MYO18A: variants seen among roughly 807,000 people sequenced by gnomAD.
MYO18A encodes unconventional myosin-XVIIIa.
In MYO18A, 78 loss-of-function variants were observed where a neutral mutation model predicts 235.8. The observed-to-expected ratio is 0.33, with a 90% confidence interval of 0.28 to 0.40. The LOEUF (loss-of-function observed/expected upper bound fraction) is 0.40. MYO18A is among the 10% of genes least tolerant of loss of function. The probability of loss-of-function intolerance (pLI) is 1.00; values close to 1 mark genes in which losing one functional copy is unlikely to be tolerated. For missense variants in MYO18A, 2,215 were observed against 2,699.3 expected (o/e 0.82, Z 3.98); for synonymous variants, 977 against 1,077.8 (o/e 0.91, Z 1.83).
Position 29,098,149 on chromosome 17 carries a change from T to A in MYO18A, c.3946A>T (p.Thr1316Ser), listed in dbSNP as rs1485801961. 6.2e-7 allele frequency: 1 copy of A among 1,613,886 alleles called. No individual in the cohort carries two copies. The change falls in exon 25 of 42, where the codon ACA becomes TCA. Residue 1316 changes from threonine (T) to serine (S), a missense_variant. Thr to Ser is a moderately conservative substitution (Grantham distance 58). Coordinates refer to ENST00000527372, the MANE Select transcript of MYO18A (RefSeq NM_078471.4). ...ESASQLLDAE[T>S]AERLRAEKEM... is the part of the protein sequence containing the mutation. ...TTCTCAGCCCGGAGCCTCTCTGCTG[T>A]CTCCGCGTCCAGCAGCTGGGAGGCG...
In MYO18A at chr17:29,117,723, GAAC is replaced by G. The variant is rs1211903045; in HGVS notation, c.2038+319_2038+321del. The stretch of plus-strand genomic sequence containing the variant: ...TCCTCGGGGGCCTCTGTCAGGAAGG[GAAC>G]AAGAAGGAGAGTTATTCCAGCGGGG... On this transcript the variant is annotated intron_variant, in intron 10 of 41. Transcript: ENST00000527372. The surrounding 1 kb of genome is among the most constrained non-coding windows in gnomAD (Gnocchi z 4.6). Among the ~76,000 whole-genome samples the G allele has an allele frequency of 1.3e-5, 2 of 152,148 alleles. No individual in the cohort carries two copies. Among genetic ancestry groups the G allele is most frequent in the Non-Finnish European group, 2.9e-5 (2 of 68,012 alleles).
chr17:29,100,012 G>C (rs565617824), intron 21 of MYO18A, among the ~76,000 whole-genome samples: 88 of 152,266 alleles, frequency 5.8e-4, no homozygotes, highest in African/African-American at 1.9e-3. Context: ...TTCAAAGAGA[G>C]ATGAAAGGAG....
chr17:29,160,935 G>GAGC (rs1241121701), intron 2 of MYO18A, among the ~76,000 whole-genome samples: 1 of 152,206 alleles, frequency 6.6e-6, no homozygotes, highest in Non-Finnish European at 1.5e-5. Flanking sequence ...AGCTCAGGGA[G>GAGC]AGCCAGGTGT....
chr17:29,128,024 T>C, intron 2 of MYO18A: 2 of 1,013,394 alleles, frequency 2.0e-6, no homozygotes, highest in Non-Finnish European at 1.2e-6. Flanking sequence ...GTCTGCCCAG[T>C]CTGGGGAGCC....
intron 40 of MYO18A, among the ~76,000 whole-genome samples, chr17:29,083,742 G>C (rs78531316): frequency 6.6e-6 from 1 of 152,098 alleles, no homozygotes; most frequent in African/African-American, 2.4e-5. Flanking sequence ...CCCTGTGCCC[G>C]TCCGAGCCTG....
chr17:29,094,423 C>T (rs1423693818), intron 30 of MYO18A: 4 of 613,850 alleles, frequency 6.5e-6, no homozygotes, highest in African/African-American at 5.5e-5. Flanking sequence ...CTGAGCCCCT[C>T]CCTACTAGAG....
chr17:29,141,688 A>G (rs2067742830), intron 2 of MYO18A, among the ~76,000 whole-genome samples: 1 of 152,222 alleles, frequency 6.6e-6, no homozygotes, highest in African/African-American at 2.4e-5. Flanking sequence ...ACAGACTCTT[A>G]GGACACGGCG....
rs765397962 is a variant in MYO18A at position 29,118,469 on chromosome 17, G to C, written c.1830-29C>G. 1 of 1,578,912 alleles carries C rather than the reference G, an allele frequency of 6.3e-7. No individual in the cohort carries two copies. Among genetic ancestry groups the C allele is most frequent in the Non-Finnish European group, 8.7e-7 (1 of 1,153,158 alleles). The stretch of plus-strand genomic sequence containing the variant: ...GGGGTACAAATAAGGCATCAGCACG[G>C]CACTTGGTCCCCATGCCAAGGCCAT... On this transcript the variant is annotated intron_variant, in intron 8 of 41. Coordinates refer to ENST00000527372, the MANE Select transcript of MYO18A (RefSeq NM_078471.4). The surrounding 1 kb of genome is among the most constrained non-coding windows in gnomAD (Gnocchi z 4.2).
At position 29,093,952 on chromosome 17, in the gene MYO18A, T is replaced by C. The variant is rs1187916642; in HGVS notation, c.4821+28A>G. The C allele has an allele frequency of 5.9e-6, 9 of 1,527,042 alleles. No individual in the cohort carries two copies. The South Asian group carries it at 9.4e-5, about 16-fold the overall frequency. 94.6% of individuals were successfully genotyped at this position (1,527,042 alleles called of 1,614,324 possible). On this transcript the variant is annotated intron_variant, in intron 31 of 41. Transcript: ENST00000527372. ...CGGTGATGGGAACAGGTGTTTACGCTGGACAGGTAAGTACTCAGATACCTT... is the reference window on the plus strand; with the variant it reads ...CGGTGATGGGAACAGGTGTTTACGCCGGACAGGTAAGTACTCAGATACCTT...
intron 1 of MYO18A, among the ~76,000 whole-genome samples, chr17:29,174,727 G>C (rs898875015): frequency 6.6e-6 from 1 of 151,982 alleles, no homozygotes; most frequent in Non-Finnish European, 1.5e-5. Context: ...CAGGAGAATC[G>C]CTTGAATCCA....
rs80092757 is a variant in MYO18A at position 29,155,002 on chromosome 17, T to C, written c.999+10940A>G. On this transcript the variant is annotated intron_variant, in intron 2 of 41. Transcript: ENST00000527372. ...AGGTTCTACTGGAATCTCTAGATAC[T>C]TTCCCCTTGATGTGTTGGGGCCGGG... is the stretch of plus-strand genomic sequence containing the variant. 3.8e-4 allele frequency among the ~76,000 whole-genome samples: 58 copies of C among 152,286 alleles called. 1 individual carries two copies. The East Asian group carries it at 0.011, about 28-fold the overall frequency.
Position 29,125,788 on chromosome 17 carries a change from G to T in MYO18A, c.1000-3535C>A. ...ATGAGGGCCCACAGGCCGCCATGGA[G>T]CCATCTTCATGGTCAGCGCGCCTAC... On this transcript the variant is annotated intron_variant, in intron 2 of 41. Coordinates refer to ENST00000527372, the MANE Select transcript of MYO18A (RefSeq NM_078471.4). The surrounding 1 kb of genome is among the most constrained non-coding windows in gnomAD (Gnocchi z 5.1). 1 of 431,710 alleles carries T rather than the reference G, an allele frequency of 2.3e-6. No homozygotes were observed. The highest frequency in any genetic ancestry group is 3.1e-6 in the Non-Finnish European group (1 of 322,706). The allele number at this position is 431,710 out of a possible 1,614,324, so 26.7% of individuals were successfully genotyped here.
intron 30 of MYO18A, 90 bp downstream of exon 30, chr17:29,094,560 A>C: frequency 7.7e-7 from 1 of 1,305,888 alleles, no homozygotes; most frequent in Non-Finnish European, 1.1e-6. Flanking sequence ...GAATGGAGGC[A>C]GGATCCTCTG....
rs529651397 is a variant in MYO18A at position 29,142,565 on chromosome 17, A to G, written c.1000-20312T>C. ...GGGACTTGTTGGAAATGCAAATTCC[A>G]GGAACCCAACCCAGACCTGCTGAAC... On this transcript the variant is annotated intron_variant, in intron 2 of 41. Transcript: ENST00000527372. Among the ~76,000 whole-genome samples the G allele has an allele frequency of 1.9e-3, 282 of 152,342 alleles. 2 individuals carry two copies. The highest frequency in any genetic ancestry group is 6.4e-3 in the African/African-American group (268 of 41,584).
At position 29,115,380 on chromosome 17, in the gene MYO18A, G is replaced by C. The variant is rs1453143810; in HGVS notation, c.2289C>G (p.Leu763=). The C allele has an allele frequency of 1.9e-6, 3 of 1,614,002 alleles. No individual in the cohort carries two copies. Among genetic ancestry groups the C allele is most frequent in the Middle Eastern group, 1.6e-4 (1 of 6,062 alleles). ...EGMAAGLYSE[L]FTLLVSLVNR... ...TCACCAGGGAGACGAGAAGGGTGAAGAGCTCGCTGTAGAGGCCGGCCGCCA... is the reference window on the plus strand; with the variant it reads ...TCACCAGGGAGACGAGAAGGGTGAACAGCTCGCTGTAGAGGCCGGCCGCCA... The change falls in exon 13 of 42, where the codon CTC becomes CTG. Residue 763 remains leucine (L), a synonymous_variant. Transcript: ENST00000527372.
At chr17:29,124,631 G>A in intron 2 of MYO18A, 2 of 1,277,182 alleles carry the variant, frequency 1.6e-6, no homozygotes, top group Non-Finnish European at 2.0e-6. Context: ...GAGGGCTCCT[G>A]AGTGGGGGGA....
At chr17:29,160,852 G>A (rs899234019) in intron 2 of MYO18A, among the ~76,000 whole-genome samples, 66 of 152,182 alleles carry the variant, frequency 4.3e-4, no homozygotes, top group Admixed American at 2.3e-3. Context: ...CTACCACAGC[G>A]ACTAGACTTG....
chr17:29,080,232 T>G (rs1394569125), intron 41 of MYO18A: 1 of 985,950 alleles, frequency 1.0e-6, no homozygotes, highest in African/African-American at 1.7e-5. Flanking sequence ...TCCGCTGGAA[T>G]GGAACAGGCT....
chr17:29,166,670 T>C lies in MYO18A; in HGVS notation c.271A>G (p.Ile91Val), dbSNP rs775165123. ...IDSDSNRGSV[I>V]LDSGHLSTAS... The stretch of plus-strand genomic sequence containing the variant: ...GTACTTAGGTGGCCCGAGTCCAGGA[T>C]GACGCTGCCCCGGTTACTATCGGAG... The change falls in exon 2 of 42, where the codon ATC (isoleucine) becomes GTC (valine). Residue 91 changes from isoleucine to valine, a missense_variant. Transcript: ENST00000527372. The C allele has an allele frequency of 6.2e-7, 1 of 1,613,796 alleles. No individual in the cohort carries two copies. Among genetic ancestry groups the C allele is most frequent in the Non-Finnish European group, 8.5e-7 (1 of 1,179,822 alleles).
Sources: allele counts gnomAD v4.1 joint callset (sites outside exome capture counted in the v4.1 genomes callset), GRCh38; gene constraint gnomAD v4.1.1; non-coding constraint Gnocchi (gnomAD v3.1); transcripts MANE v1.5; gene names NCBI Gene and HGNC (gene_info 2026-07-23, HGNC 2026-07-21).